TLK2: variants seen among roughly 807,000 people sequenced by gnomAD.
TLK2 encodes the protein serine/threonine-protein kinase tousled-like 2.
TLK2 carries 6 observed loss-of-function variants against 117.3 expected under a neutral mutation model. The ratio of observed to expected loss-of-function variants is 0.05; its 90% CI spans 0.03 to 0.10. TLK2 has a LOEUF of 0.10. Among genes scored for constraint, TLK2 ranks in the 10% least tolerant of loss-of-function variants. The pLI, the probability that TLK2 is intolerant of heterozygous loss-of-function variation, is 1.00. For synonymous variants in TLK2, 257 were observed against 316.7 expected (o/e 0.81, Z 2.00); for missense variants, 299 against 901.2 (o/e 0.33, Z 8.56).
Position 62,580,119 on chromosome 17 carries a change from A to T in TLK2, c.1295A>T (p.Asp432Val). The T allele has an allele frequency of 6.2e-7, 1 of 1,612,658 alleles. No homozygotes were observed. ...IHNEDNSQFKDHPTLNDRYLL... is the reference protein window; with the variant it reads ...IHNEDNSQFKVHPTLNDRYLL... ...GTTCCCTGTTTCCACAGATTTAAAG[A>T]TCATCCAACGCTAAATGACAGATAT... The change falls in exon 15 of 22, where the codon GAT (aspartate) becomes GTT (valine). Residue 432 changes from aspartate (D) to valine (V), a missense_variant. Transcript: ENST00000346027.
chr17:62,492,341 G>A (rs1243931781), intron 2 of TLK2, among the ~76,000 whole-genome samples: 1 of 152,070 alleles, frequency 6.6e-6, no homozygotes, highest in Non-Finnish European at 1.5e-5. Context: ...ATACTCCGAA[G>A]ACAGCAGTGA....
chr17:62,611,141 A>G (rs1244624009), intron 21 of TLK2, among the ~76,000 whole-genome samples: 1 of 152,212 alleles, frequency 6.6e-6, no homozygotes, highest in Non-Finnish European at 1.5e-5. Flanking sequence ...TTGTCTCTAA[A>G]AAAAGTTTTA....
chr17:62,564,865 C>G, intron 10 of TLK2, 136 bp from the exon 11 acceptor site: 1 of 1,104,090 alleles, frequency 9.1e-7, no homozygotes, highest in Non-Finnish European at 1.3e-6. Flanking sequence ...TCCGAGGAGT[C>G]ATTACTGACT....
chr17:62,484,646 G>A (rs950391876), intron 2 of TLK2, among the ~76,000 whole-genome samples: 1 of 152,070 alleles, frequency 6.6e-6, no homozygotes, highest in African/African-American at 2.4e-5. Context: ...TCAGACTATT[G>A]ATTTGAAATG....
At chr17:62,508,746 TC>T (rs1179367710) in intron 2 of TLK2, among the ~76,000 whole-genome samples, 1 of 152,178 alleles carries the variant, frequency 6.6e-6, no homozygotes, top group African/African-American at 2.4e-5. Flanking sequence ...GGCAGGCGGA[TC>T]ACCTGAAGTC....
At chr17:62,490,791 C>T (rs1393847279) in intron 2 of TLK2, among the ~76,000 whole-genome samples, 2 of 152,226 alleles carry the variant, frequency 1.3e-5, no homozygotes, top group Non-Finnish European at 2.9e-5. Flanking sequence ...ATCCACCTTC[C>T]TCGGCCTCCC....
At chr17:62,563,098 A>G (rs2079429429) in intron 10 of TLK2, among the ~76,000 whole-genome samples, 1 of 152,242 alleles carries the variant, frequency 6.6e-6, no homozygotes, top group African/African-American at 2.4e-5. Flanking sequence ...ATTGTCATAC[A>G]GTGGAATACT....
At chr17:62,503,415 CT>C (rs35652112) in intron 2 of TLK2, among the ~76,000 whole-genome samples, 78,248 of 94,028 alleles carry the variant, frequency 0.83, 32,808 homozygotes, top group South Asian at 0.93. Context: ...TTAGTTATAA[CT>C]TTTTTTTTTT....
At chr17:62,585,260 C>T (rs1029025658) in intron 15 of TLK2, among the ~76,000 whole-genome samples, 39 of 152,068 alleles carry the variant, frequency 2.6e-4, no homozygotes, top group African/African-American at 8.7e-4. Context: ...AACTGCTTTT[C>T]GGCCAGGCGC....
chr17:62,565,126 G>C lies in TLK2; in HGVS notation c.957G>C (p.Gln319His), dbSNP rs778015193. Residue 319 changes from glutamine (Q) to histidine (H), a missense_variant, in exon 11 of 22, where the codon CAG (glutamine) becomes CAC (histidine). Around this residue, in one of 4 missense-constraint regions of TLK2, gnomAD observed 94 missense variants for 282.6 expected, o/e 0.33. Transcript: ENST00000346027. Reference protein sequence around the residue: ...TEQWTDGYAFQNLIKQQERIN... With the variant: ...TEQWTDGYAFHNLIKQQERIN... ...AGTGGACAGATGGTTATGCTTTTCA[G>C]AATCTTATCAAGTAAGTGAATTGTT... 2 of 1,605,352 alleles carry C rather than the reference G, an allele frequency of 1.2e-6. No homozygotes were observed. The highest frequency in any genetic ancestry group is 2.7e-5 in the African/African-American group (2 of 74,374).
intron 11 of TLK2, among the ~76,000 whole-genome samples, chr17:62,572,684 C>T (rs939828743): frequency 3.3e-5 from 5 of 152,028 alleles, no homozygotes; most frequent in Non-Finnish European, 5.9e-5. Flanking sequence ...GCGGGGTTGA[C>T]GTGTAGAGTA....
chr17:62,533,434 CTTGCTGTGTAGCCCAGTGTG>C (rs1567865322), intron 6 of TLK2, among the ~76,000 whole-genome samples: 1 of 125,910 alleles, frequency 7.9e-6, no homozygotes, highest in African/African-American at 3.0e-5. Context: ...GAGACAGGGT[CTTGCTGTGTAGCCCAGTGTG>C]TGTGTGTCTG....
intron 15 of TLK2, among the ~76,000 whole-genome samples, chr17:62,584,018 G>A (rs2081406255): frequency 6.6e-6 from 1 of 151,290 alleles, no homozygotes; most frequent in Non-Finnish European, 1.5e-5. Flanking sequence ...TAGAATAGAA[G>A]TACAGTGTAG....
intron 2 of TLK2, among the ~76,000 whole-genome samples, chr17:62,496,826 A>G (rs2073739703): frequency 6.6e-6 from 1 of 151,706 alleles, no homozygotes; most frequent in Admixed American, 6.6e-5. Context: ...GCATGGTGGC[A>G]GGCGCCTGTA....
In TLK2 at chr17:62,585,395, G is replaced by A. The variant is rs1436928330; in HGVS notation, c.1369-740G>A. Among the ~76,000 whole-genome samples the A allele has an allele frequency of 2.6e-5, 4 of 152,282 alleles. No individual in the cohort carries two copies. The East Asian group carries it at 5.8e-4, about 22-fold the overall frequency. On this transcript the variant is annotated intron_variant, in intron 15 of 21. Coordinates refer to ENST00000346027, the MANE Select transcript of TLK2 (RefSeq NM_006852.6). ...TCTACTAAAAATACAAAAATTAGCC[G>A]GGCGTGATGGTGCGTGCCTGTAATC...
chr17:62,566,781 C>CT (rs2079829870), intron 11 of TLK2, among the ~76,000 whole-genome samples: 1 of 152,194 alleles, frequency 6.6e-6, no homozygotes, highest in Non-Finnish European at 1.5e-5. Flanking sequence ...TTAAGATCCA[C>CT]ATAGTGGCCA....
intron 7 of TLK2, chr17:62,550,603 C>G (rs1450525436): frequency 6.6e-6 from 1 of 152,054 alleles, no homozygotes; most frequent in African/African-American, 2.4e-5. Flanking sequence ...AATAATGCTG[C>G]CTATCTGATG....
intron 2 of TLK2, among the ~76,000 whole-genome samples, chr17:62,493,764 CTTT>C (rs558304533): frequency 6.8e-6 from 1 of 147,152 alleles, no homozygotes; most frequent in African/African-American, 2.5e-5. Context: ...ATAGGATAGT[CTTT>C]TTTTTTTTGA....
chr17:62,561,143 A>T (rs911480068), intron 10 of TLK2, among the ~76,000 whole-genome samples: 9 of 152,092 alleles, frequency 5.9e-5, no homozygotes, highest in Non-Finnish European at 1.0e-4. Context: ...CCATGTCCCT[A>T]CAAAGGACAT....
Sources: gnomAD v4.1 joint callset for allele counts (sites outside exome capture counted in the v4.1 genomes callset) on GRCh38, gnomAD v4.1.1 for gene constraint, gnomAD v4.1.1 regional missense constraint, MANE v1.5 for transcripts, NCBI Gene and HGNC (gene_info 2026-07-23, HGNC 2026-07-21) for gene names.